The following ADAMTS10 variants were observed in gnomAD, a reference collection of about 807,000 sequenced individuals.
ADAMTS10 encodes A disintegrin and metalloproteinase with thrombospondin motifs 10.
A neutral mutation model predicts 135.9 loss-of-function variants in ADAMTS10; 48 were observed. That is an observed-to-expected ratio of 0.35 (90% CI 0.28 to 0.45). The LOEUF (loss-of-function observed/expected upper bound fraction) is 0.45, where lower values mean the gene tolerates loss of function less well. Among genes scored for constraint, ADAMTS10 ranks in the 20% least tolerant of loss-of-function variants. ADAMTS10 has a pLI of 1.00. For synonymous variants in ADAMTS10, 621 were observed against 647.5 expected (o/e 0.96, Z 0.62); for missense variants, 1,131 against 1,565.2 (o/e 0.72, Z 4.68).
chr19:8,597,192 C>G, intron 7 of ADAMTS10, 42 bp downstream of exon 7: 1 of 1,614,026 alleles, frequency 6.2e-7, no homozygotes, highest in South Asian at 1.1e-5. Flanking sequence ...GCAGGACATG[C>G]TGGTATGAAG....
Position 8,580,937 on chromosome 19 carries a change from C to T in ADAMTS10, c.3268G>A (p.Ala1090Thr), listed in dbSNP as rs782053556. The change falls in exon 26 of 26, where the codon GCC becomes ACC. Residue 1090 changes from alanine to threonine, a missense_variant. Transcript: ENST00000597188. Reference protein sequence around the residue: ...LVLKFQFCSRAYFRQMCCKTC... With the variant: ...LVLKFQFCSRTYFRQMCCKTC... ...TTGCAGCACATCTGGCGGAAGTAGG[C>T]TCGGCTGCAGAACTGAAATTTGAGC... is the stretch of plus-strand genomic sequence containing the variant. The T allele has an allele frequency of 3.7e-6, 6 of 1,613,348 alleles. No homozygotes were observed. Among genetic ancestry groups the T allele is most frequent in the Non-Finnish European group, 5.1e-6 (6 of 1,179,784 alleles).
chr19:8,595,715 GC>G, intron 12 of ADAMTS10, 46 bp downstream of exon 12: 1 of 843,998 alleles, frequency 1.2e-6, no homozygotes, highest in Non-Finnish European at 1.8e-6. Context: ...CCCAGCCCCA[GC>G]GGCCCCCTCC....
chr19:8,590,448 A>ATTATTTAT (rs543968321), intron 15 of ADAMTS10, among the ~76,000 whole-genome samples: 7 of 142,074 alleles, frequency 4.9e-5, no homozygotes, highest in South Asian at 4.5e-4. Context: ...TAATTTTTGC[A>ATTATTTAT]TTATTTATTT....
chr19:8,583,318 A>G (rs1246951865), intron 25 of ADAMTS10, among the ~76,000 whole-genome samples: 1 of 151,760 alleles, frequency 6.6e-6, no homozygotes, highest in Non-Finnish European at 1.5e-5. Flanking sequence ...AGGCGGGCAG[A>G]TCACCTGAGG....
rs374312690 is a variant in ADAMTS10 at position 8,605,714 on chromosome 19, G to A, written c.-4C>T. 4.1e-5 allele frequency: 66 copies of A among 1,605,336 alleles called. No individual in the cohort carries two copies. The African/African-American group carries it at 8.1e-4, about 20-fold the overall frequency. ...GGATCTGGCAGGCGGGAGCCATAGA[G>A]GCCACGTGTCCACATGTCTCTCCCC... is the stretch of plus-strand genomic sequence containing the variant. On this transcript the variant is annotated 5_prime_UTR_variant, in exon 3 of 26. Coordinates refer to ENST00000597188, the MANE Select transcript of ADAMTS10 (RefSeq NM_030957.4). This position sits in a 1 kb window ranked among gnomAD's most constrained non-coding sequence, Gnocchi z 7.7.
chr19:8,595,788 C>T lies in ADAMTS10; in HGVS notation c.1453G>A (p.Val485Ile). The T allele has an allele frequency of 2.5e-6, 4 of 1,609,370 alleles. No homozygotes were observed. The highest frequency in any genetic ancestry group is 3.4e-6 in the Non-Finnish European group (4 of 1,176,996). ...ADEQCRFQHG[V>I]KSRQCKYGEV... ...CCGTATTTACACTGACGCGATTTGA[C>T]TCCATGCTGAAAGCGGCATTGCTCA... The change falls in exon 12 of 26, where the codon GTC (valine) becomes ATC (isoleucine). Residue 485 changes from valine (V) to isoleucine (I), a missense_variant. Transcript: ENST00000597188.
intron 22 of ADAMTS10, 63 bp from the exon 23 acceptor site, chr19:8,585,723 G>C: frequency 6.6e-7 from 1 of 1,505,624 alleles, no homozygotes; most frequent in East Asian, 2.3e-5. Context: ...CAACAGCAGG[G>C]GGCACTATAG....
intron 16 of ADAMTS10, 68 bp from the exon 17 acceptor site, chr19:8,589,653 G>T: frequency 1.9e-6 from 3 of 1,604,094 alleles, no homozygotes; most frequent in Non-Finnish European, 2.5e-6. Flanking sequence ...CTCCCTGGGG[G>T]AGTGAGGCCA....
At chr19:8,603,977 C>A in intron 4 of ADAMTS10, 93 bp from the exon 5 acceptor site, 11 of 1,278,432 alleles carry the variant, frequency 8.6e-6, no homozygotes, top group Non-Finnish European at 1.1e-5. Flanking sequence ...TGATTTCATT[C>A]TTATCAGGTT....
chr19:8,585,804 TG>T, intron 22 of ADAMTS10, 144 bp from the exon 23 acceptor site: 1 of 898,800 alleles, frequency 1.1e-6, no homozygotes, highest in Non-Finnish European at 1.7e-6. Context: ...ATTCCACACT[TG>T]GGGCATCGTT....
At chr19:8,583,572 C>T (rs920635866) in intron 25 of ADAMTS10, among the ~76,000 whole-genome samples, 10 of 151,524 alleles carry the variant, frequency 6.6e-5, no homozygotes, top group Admixed American at 2.0e-4. Context: ...TACAGCCAGG[C>T]GCAGTGGCTC....
chr19:8,597,848 G>T (rs1288546403), intron 6 of ADAMTS10, among the ~76,000 whole-genome samples: 1 of 151,570 alleles, frequency 6.6e-6, no homozygotes, highest in Non-Finnish European at 1.5e-5. Flanking sequence ...TTTTTGTCTA[G>T]GGTGGAGTAC....
intron 13 of ADAMTS10, 127 bp from the exon 14 acceptor site, chr19:8,592,230 T>A: frequency 2.1e-6 from 3 of 1,441,590 alleles, no homozygotes; most frequent in Non-Finnish European, 2.7e-6. Flanking sequence ...AGGCGGGGTC[T>A]GAACATGCGA....
Position 8,589,942 on chromosome 19 carries a change from A to T in ADAMTS10, c.1847T>A (p.Phe616Tyr). The T allele has an allele frequency of 1.2e-6, 2 of 1,614,124 alleles. No individual in the cohort carries two copies. The highest frequency in any genetic ancestry group is 1.7e-6 in the Non-Finnish European group (2 of 1,180,038). ...QDFREVQCSEFDSIPFRGKFY... is the reference protein window; with the variant it reads ...QDFREVQCSEYDSIPFRGKFY... ...TTTCCCACGGAAAGGGATGCTGTCAAATTCAGAACACTGCACTTCTCTGAA... is the reference window on the plus strand; with the variant it reads ...TTTCCCACGGAAAGGGATGCTGTCATATTCAGAACACTGCACTTCTCTGAA... Residue 616 changes from phenylalanine (F) to tyrosine (Y), a missense_variant, in exon 16 of 26, where the codon TTT becomes TAT. Phe to Tyr is a conservative substitution (Grantham distance 22). Coordinates refer to ENST00000597188, the MANE Select transcript of ADAMTS10 (RefSeq NM_030957.4).
At chr19:8,590,424 C>A (rs952254105) in intron 15 of ADAMTS10, among the ~76,000 whole-genome samples, 1 of 152,036 alleles carries the variant, frequency 6.6e-6, no homozygotes, top group Non-Finnish European at 1.5e-5. Flanking sequence ...CAGGTGCATG[C>A]CACTATGCCT....
chr19:8,586,739 G>T lies in ADAMTS10; in HGVS notation c.2240-18C>A, dbSNP rs781980434. 2 of 1,614,102 alleles carry T rather than the reference G, an allele frequency of 1.2e-6. No individual in the cohort carries two copies. Among genetic ancestry groups the T allele is most frequent in the African/African-American group, 1.3e-5 (1 of 75,008 alleles). On this transcript the variant is annotated intron_variant, in intron 19 of 25. Coordinates refer to ENST00000597188, the MANE Select transcript of ADAMTS10 (RefSeq NM_030957.4). ...CTTCAGGGCTGGGGGACGATGCAGG[G>T]TTCAGAATTCTAGTCATGCTGAAAC...
intron 2 of ADAMTS10, among the ~76,000 whole-genome samples, chr19:8,607,659 T>C (rs957704808): frequency 1.2e-4 from 19 of 152,050 alleles, no homozygotes; most frequent in Admixed American, 3.3e-4. Flanking sequence ...GAGCCAGGTT[T>C]TTGCCAAGTT....
At position 8,586,214 on chromosome 19, in the gene ADAMTS10, C is replaced by T; in HGVS notation, c.2568G>A (p.Leu856=). Residue 856 remains leucine, a synonymous_variant, in exon 22 of 26, where the codon CTG becomes CTA. Transcript: ENST00000597188. The part of the protein sequence containing the change: ...QVQAVECRNQ[L]DSSAVAPHYC... ...AGTGGGGGGCGACCGCGGAGCTGTC[C>T]AGCTGGTTGCGGCACTCCACCGCCT... 6.2e-7 allele frequency: 1 copy of T among 1,613,054 alleles called. No individual in the cohort carries two copies. The highest frequency in any genetic ancestry group is 8.5e-7 in the Non-Finnish European group (1 of 1,179,932).
intron 12 of ADAMTS10, 64 bp downstream of exon 12, chr19:8,595,698 T>TACCAGCC: frequency 7.7e-7 from 1 of 1,291,948 alleles, no homozygotes; most frequent in Non-Finnish European, 1.1e-6. Context: ...CTGGTGGAGT[T>TACCAGCC]CCCTCCCCCA....
Sources: allele counts gnomAD v4.1 joint callset (sites outside exome capture counted in the v4.1 genomes callset), GRCh38; gene constraint gnomAD v4.1.1; non-coding constraint Gnocchi (gnomAD v3.1); transcripts MANE v1.5; gene names NCBI Gene and HGNC (gene_info 2026-07-23, HGNC 2026-07-21).